KLRD1: variants seen among roughly 807,000 people sequenced by gnomAD.
The protein encoded by KLRD1 is natural killer cells antigen CD94.
In KLRD1, 21 loss-of-function variants were observed where a neutral mutation model predicts 22.6. The observed-to-expected ratio is 0.93, with a 90% CI of 0.66 to 1.34. The LOEUF (loss-of-function observed/expected upper bound fraction) is 1.34, where lower values mean the gene tolerates loss of function less well. KLRD1 is among the 40% of genes most tolerant of loss of function. The probability of loss-of-function intolerance (pLI) is 0.00; values close to 1 mark genes in which losing one functional copy is unlikely to be tolerated. For missense variants in KLRD1, 183 were observed against 208.6 expected, an observed-to-expected ratio of 0.88 and a Z score of 0.76; for synonymous variants, 59 against 71.1, an observed-to-expected ratio of 0.83 and a Z score of 0.85.
At chr12:10,258,832 A>T (rs1016234274) in intron 1 of KLRD1, among the ~76,000 whole-genome samples, 2 of 152,204 alleles carry the variant, frequency 1.3e-5, no homozygotes. Flanking sequence ...GCTATCTTTC[A>T]TTAGAAAAAG....
rs116435127 is a variant in KLRD1, at chr12:10,293,813, G to C, written c.-100-14165G>C. Among the ~76,000 whole-genome samples the C allele has an allele frequency of 6.4e-3, 977 of 152,262 alleles. 11 individuals carry two copies. Among genetic ancestry groups the C allele is most frequent in the African/African-American group, 0.022 (925 of 41,534 alleles). ...TGAAGTGCAGTAAAATGAGGTGTGT[G>C]TGTATTATCACTGGGGAAACCCAAC... On this transcript the variant is annotated intron_variant, in intron 1 of 5. Coordinates refer to the KLRD1 transcript ENST00000544747.
Position 10,256,425 on chromosome 12 carries a change from G to GTT in KLRD1, c.-101+30208_-101+30209dup, listed in dbSNP as rs139328118. ...TTATTGACTTTCTTTGTGATTAGCT[G>GTT]TTTTTTTTTTTTTTTTTGTAGAGAC... On this transcript the variant is annotated intron_variant, in intron 1 of 5. Transcript: ENST00000544747. Among the ~76,000 whole-genome samples, 22 of 131,070 alleles carry GTT rather than the reference G, an allele frequency of 1.7e-4. 1 individual carries two copies. Among genetic ancestry groups the GTT allele is most frequent in the African/African-American group, 6.7e-4 (22 of 32,684 alleles). 86.0% of individuals were successfully genotyped at this position (131,070 alleles called of 152,430 possible). A position where few individuals can be genotyped will look rare whatever the true frequency, so the allele number is the denominator to read the frequency against.
intron 1 of KLRD1, among the ~76,000 whole-genome samples, chr12:10,287,057 AC>A (rs1949713372): frequency 6.6e-6 from 1 of 151,782 alleles, no homozygotes; most frequent in Non-Finnish European, 1.5e-5. Flanking sequence ...AATCGCTTGA[AC>A]CCGGGAGGCA....
chr12:10,271,947 T>A (rs1400153797), intron 1 of KLRD1, among the ~76,000 whole-genome samples: 2 of 152,150 alleles, frequency 1.3e-5, no homozygotes, highest in Admixed American at 1.3e-4. Flanking sequence ...ATTAAGTTAA[T>A]GTATATAAAG....
intron 1 of KLRD1, among the ~76,000 whole-genome samples, chr12:10,287,610 G>A (rs1357380914): frequency 6.6e-6 from 1 of 152,008 alleles, no homozygotes; most frequent in East Asian, 1.9e-4. Context: ...ATACTTTTAC[G>A]AATTAAATTA....
At position 10,324,088 on chromosome 12, in the gene KLRD1, C is replaced by T. The variant is rs1386919792; in HGVS notation, c.*9295C>T. 1 of 152,122 alleles carries T rather than the reference C, an allele frequency of 6.6e-6. No homozygotes were observed. The highest frequency in any genetic ancestry group is 1.5e-5 in the Non-Finnish European group (1 of 68,040). The allele number at this position is 152,122 out of a possible 1,614,324, so 9.4% of individuals were successfully genotyped here. A position where few individuals can be genotyped will look rare whatever the true frequency, so the allele number is the denominator to read the frequency against. On this transcript the variant is annotated 3_prime_UTR_variant, in exon 6 of 6. Transcript: ENST00000336164. Reference sequence around the variant, plus strand: ...TGTTGACCAGTCTTGTCTTGAACTCCTGACCTCAACTGCTCCACCTGCCTT... The same window carrying T: ...TGTTGACCAGTCTTGTCTTGAACTCTTGACCTCAACTGCTCCACCTGCCTT...
intron 1 of KLRD1, among the ~76,000 whole-genome samples, chr12:10,246,898 G>A (rs1949296092): frequency 6.7e-6 from 1 of 149,832 alleles, no homozygotes; most frequent in Admixed American, 6.8e-5. Flanking sequence ...AAATGAGTAG[G>A]GAATTTCTTT....
intron 1 of KLRD1, among the ~76,000 whole-genome samples, chr12:10,291,886 T>C (rs1446564659): frequency 6.6e-6 from 1 of 152,140 alleles, no homozygotes; most frequent in African/African-American, 2.4e-5. Flanking sequence ...AGTGAGAACA[T>C]GTGGTGTTTG....
Position 10,323,654 on chromosome 12 carries a change from C to G in KLRD1, c.*8861C>G, listed in dbSNP as rs1016226459. 2.0e-5 allele frequency: 3 copies of G among 151,878 alleles called. No individual in the cohort carries two copies. Among genetic ancestry groups the G allele is most frequent in the Non-Finnish European group, 2.9e-5 (2 of 67,962 alleles). The allele number at this position is 151,878 out of a possible 1,614,324, so 9.4% of individuals were successfully genotyped here. A position where few individuals can be genotyped will look rare whatever the true frequency, so the allele number is the denominator to read the frequency against. ...TACTAACCTCAAAAGTATCCTTTCC[C>G]CTATGTATAAAATACTTCCTCTTGC... is the stretch of plus-strand genomic sequence containing the variant. On this transcript the variant is annotated 3_prime_UTR_variant, in exon 6 of 6. Coordinates refer to ENST00000336164, the MANE Select transcript of KLRD1 (RefSeq NM_002262.5).
rs1226427853 is a variant in KLRD1 at position 10,321,586 on chromosome 12, A to C, written c.*6793A>C. ...AGGGTTGATCACTGTGACCAAGAGA[A>C]TAAGGCAGAAGTTATCGCATATCAC... On this transcript the variant is annotated 3_prime_UTR_variant, in exon 6 of 6. Coordinates refer to ENST00000336164, the MANE Select transcript of KLRD1 (RefSeq NM_002262.5). 1.3e-5 allele frequency: 2 copies of C among 152,232 alleles called. No homozygotes were observed. The highest frequency in any genetic ancestry group is 4.8e-5 in the African/African-American group (2 of 41,460). 9.4% of individuals were successfully genotyped at this position (152,232 alleles called of 1,614,324 possible). A position where few individuals can be genotyped will look rare whatever the true frequency, so the allele number is the denominator to read the frequency against.
intron 1 of KLRD1, among the ~76,000 whole-genome samples, chr12:10,240,464 C>CGA (rs1949231297): frequency 2.0e-5 from 3 of 151,918 alleles, no homozygotes; most frequent in Admixed American, 2.0e-4. Context: ...AATAGATCTT[C>CGA]ACTTACGTTC....
At chr12:10,312,764 C>T (rs61917601) in intron 4 of KLRD1, among the ~76,000 whole-genome samples, 36,186 of 150,588 alleles carry the variant, frequency 0.24, 5,340 homozygotes, top group Admixed American at 0.34. Flanking sequence ...CCGAGGAGGG[C>T]GGATCACAGT....
intron 1 of KLRD1, among the ~76,000 whole-genome samples, chr12:10,250,673 G>A (rs1949338661): frequency 6.6e-6 from 1 of 152,042 alleles, no homozygotes; most frequent in South Asian, 2.1e-4. Flanking sequence ...TAAAACTTGG[G>A]TATTAATTTA....
rs1420866169 is a variant in KLRD1, at chr12:10,320,227, A to G, written c.*5434A>G. ...CGTGTCACATAGCAATAATCAATAC[A>G]TATTTTGGTACCAAGAATGAAGTTA... On this transcript the variant is annotated 3_prime_UTR_variant, in exon 6 of 6. Coordinates refer to ENST00000336164, the MANE Select transcript of KLRD1 (RefSeq NM_002262.5). 2 of 149,598 alleles carry G rather than the reference A, an allele frequency of 1.3e-5. No homozygotes were observed. The highest frequency in any genetic ancestry group is 3.0e-5 in the Non-Finnish European group (2 of 67,542). 9.3% of individuals were successfully genotyped at this position (149,598 alleles called of 1,614,324 possible).
Position 10,320,948 on chromosome 12 carries a change from A to G in KLRD1, c.*6155A>G, listed in dbSNP as rs1326928701. 1 of 152,234 alleles carries G rather than the reference A, an allele frequency of 6.6e-6. No individual in the cohort carries two copies. The allele number at this position is 152,234 out of a possible 1,614,324, so 9.4% of individuals were successfully genotyped here. On this transcript the variant is annotated 3_prime_UTR_variant, in exon 6 of 6. Coordinates refer to ENST00000336164, the MANE Select transcript of KLRD1 (RefSeq NM_002262.5). The stretch of plus-strand genomic sequence containing the variant: ...TGTGCGGTTTTTACAAATAGAGTTC[A>G]TAGAAAACCTCAAAACACTTTTGAG...
intron 1 of KLRD1, among the ~76,000 whole-genome samples, chr12:10,283,925 C>T (rs1949671444): frequency 6.6e-6 from 1 of 151,130 alleles, no homozygotes; most frequent in East Asian, 1.9e-4. Flanking sequence ...CCTGTAATCC[C>T]AACACTTTGG....
chr12:10,260,098 ATATCATTCCCATC>A (rs1565451172), intron 1 of KLRD1, among the ~76,000 whole-genome samples: 1 of 16,604 alleles, frequency 6.0e-5, no homozygotes, highest in Non-Finnish European at 4.6e-3. Flanking sequence ...CTAGATGCTC[ATATCATTCCCATC>A]TGTATAACTA....
At chr12:10,306,523 CAA>C (rs1425001075), upstream of KLRD1, among the ~76,000 whole-genome samples, 1 of 152,096 alleles carries the variant, frequency 6.6e-6, no homozygotes, top group Non-Finnish European at 1.5e-5. Context: ...TGTACTCTCT[CAA>C]GAGAAAAACT....
intron 1 of KLRD1, among the ~76,000 whole-genome samples, chr12:10,296,833 G>T (rs186835223): frequency 1.3e-5 from 2 of 152,146 alleles, no homozygotes; most frequent in Non-Finnish European, 2.9e-5. Context: ...CATATGTTTC[G>T]CTGTGTTTCC....
Sources: gnomAD v4.1 joint callset for allele counts (sites outside exome capture counted in the v4.1 genomes callset) on GRCh38, gnomAD v4.1.1 for gene constraint, MANE v1.5 for transcripts, NCBI Gene and HGNC (gene_info 2026-07-23, HGNC 2026-07-21) for gene names.